The following CYP2C8 variants were observed in gnomAD, a reference collection of about 807,000 sequenced individuals.
The protein encoded by CYP2C8 is cytochrome P450 family 2 subfamily C member 8.
A neutral mutation model predicts 41.3 loss-of-function variants in CYP2C8; 51 were observed. The ratio of observed to expected loss-of-function variants is 1.24; its 90% CI spans 0.99 to 1.56. CYP2C8 has a LOEUF of 1.56. Ranked by LOEUF, CYP2C8 falls within the 40% of genes most tolerant of loss-of-function variation. The pLI, the probability that CYP2C8 is intolerant of heterozygous loss-of-function variation, is 0.00. For synonymous variants in CYP2C8, 218 were observed against 205.8 expected (o/e 1.06, Z -0.51); for missense variants, 651 against 579.9 (o/e 1.12, Z -1.26).
chr10:95,062,476 T>G (rs2134434624), intron 4 of CYP2C8, among the ~76,000 whole-genome samples: 1 of 152,326 alleles, frequency 6.6e-6, no homozygotes, highest in Middle Eastern at 3.4e-3. Flanking sequence ...TGCCTTTTTT[T>G]GTTTTCCATT....
At chr10:95,061,102 C>CT (rs2033418185) in intron 4 of CYP2C8, among the ~76,000 whole-genome samples, 1 of 152,088 alleles carries the variant, frequency 6.6e-6, no homozygotes, top group East Asian at 1.9e-4. Flanking sequence ...CTAAAATTCT[C>CT]GTTTTTTGTT....
At chr10:95,041,654 G>A (rs561909259) in intron 7 of CYP2C8, among the ~76,000 whole-genome samples, 12 of 151,784 alleles carry the variant, frequency 7.9e-5, no homozygotes, top group East Asian at 5.8e-4. Flanking sequence ...GGTGGCGGGC[G>A]CCTGTAGTCC....
intron 6 of CYP2C8, among the ~76,000 whole-genome samples, chr10:95,044,840 C>T (rs538733667): frequency 1.3e-5 from 2 of 152,166 alleles, no homozygotes; most frequent in African/African-American, 4.8e-5. Context: ...AAATACTGAA[C>T]CTTATGAGAA....
Position 95,069,476 on chromosome 10 carries a change from A to G in CYP2C8, c.-74T>C, listed in dbSNP as rs956008231. The G allele has an allele frequency of 1.5e-5, 18 of 1,200,322 alleles. No homozygotes were observed. Among genetic ancestry groups the G allele is most frequent in the Non-Finnish European group, 2.2e-5 (18 of 812,320 alleles). The allele number at this position is 1,200,322 out of a possible 1,614,324, so 74.4% of individuals were successfully genotyped here. A position where few individuals can be genotyped will look rare whatever the true frequency, so the allele number is the denominator to read the frequency against. ...TTTTTATAACACTCCCTGCTAATTTAGTGTGTGTCTCTTTGACATGTAAAG... is the reference window on the plus strand; with the variant it reads ...TTTTTATAACACTCCCTGCTAATTTGGTGTGTGTCTCTTTGACATGTAAAG... On this transcript the variant is annotated 5_prime_UTR_variant, in exon 1 of 9. Transcript: ENST00000371270.
rs569453841 is a variant in CYP2C8, at chr10:95,043,213, C to T, written c.962-136G>A. ...TGAGTTACATGTCCAGAAGTACAAC[C>T]AGCCATATAAAAAGAATTACCATAA... is the stretch of plus-strand genomic sequence containing the variant. On this transcript the variant is annotated intron_variant, in intron 6 of 8. Coordinates refer to ENST00000371270, the MANE Select transcript of CYP2C8 (RefSeq NM_000770.3). The T allele has an allele frequency of 6.4e-5, 48 of 748,048 alleles. No individual in the cohort carries two copies. In the African/African-American group the frequency reaches 7.5e-4, roughly 12 times the overall value. 46.3% of individuals were successfully genotyped at this position (748,048 alleles called of 1,614,324 possible).
chr10:95,064,104 C>T (rs979291657), intron 4 of CYP2C8, among the ~76,000 whole-genome samples: 3 of 152,180 alleles, frequency 2.0e-5, no homozygotes, highest in Non-Finnish European at 4.4e-5. Flanking sequence ...ACCGTCTGTC[C>T]ATTCTCAGAT....
rs920225063 is a variant in CYP2C8 at position 95,068,638 on chromosome 10, A to T, written c.168+597T>A. On this transcript the variant is annotated intron_variant, in intron 1 of 8. Coordinates refer to ENST00000371270, the MANE Select transcript of CYP2C8 (RefSeq NM_000770.3). ...AAATCATAGCAAAACACTGTGAAAC[A>T]AAGAGGAGAAACAGCACTTTAAACT... 5.4e-6 allele frequency: 7 copies of T among 1,287,700 alleles called. No homozygotes were observed. In the African/African-American group the frequency reaches 1.1e-4, roughly 20 times the overall value. The allele number at this position is 1,287,700 out of a possible 1,614,324, so 79.8% of individuals were successfully genotyped here.
At chr10:95,065,587 C>T (rs933673767) in intron 3 of CYP2C8, among the ~76,000 whole-genome samples, 4 of 152,132 alleles carry the variant, frequency 2.6e-5, no homozygotes, top group Non-Finnish European at 5.9e-5. Flanking sequence ...TAAAGCTAAC[C>T]AAAAAGTAAA....
In CYP2C8 at chr10:95,037,027, G is replaced by T. The variant is rs2032894515; in HGVS notation, c.*101C>A. On this transcript the variant is annotated 3_prime_UTR_variant, in exon 9 of 9. Transcript: ENST00000371270. ...TTATGGGATATTGAGTGAATGGGAA[G>T]ATTTGATGAGAGGTCAGAGAAGACA... 8.9e-7 allele frequency: 1 copy of T among 1,129,750 alleles called. No individual in the cohort carries two copies. The highest frequency in any genetic ancestry group is 2.4e-5 in the East Asian group (1 of 41,820). The allele number at this position is 1,129,750 out of a possible 1,614,324, so 70.0% of individuals were successfully genotyped here. A position where few individuals can be genotyped will look rare whatever the true frequency, so the allele number is the denominator to read the frequency against.
intron 4 of CYP2C8, among the ~76,000 whole-genome samples, chr10:95,062,751 T>G (rs1235297064): frequency 2.0e-5 from 3 of 152,154 alleles, no homozygotes; most frequent in East Asian, 1.9e-4. Context: ...GTCTTTACAA[T>G]CTGATGTTTT....
At chr10:95,059,211 A>G (rs930019692) in intron 4 of CYP2C8, among the ~76,000 whole-genome samples, 1 of 152,210 alleles carries the variant, frequency 6.6e-6, no homozygotes, top group African/African-American at 2.4e-5. Context: ...TCCCTGAGGA[A>G]TCACCACACT....
chr10:95,047,210 A>G (rs1486451418), intron 5 of CYP2C8, among the ~76,000 whole-genome samples: 1 of 152,218 alleles, frequency 6.6e-6, no homozygotes, highest in East Asian at 1.9e-4. Flanking sequence ...CCGTGAGCCA[A>G]TTGGGCCTCA....
chr10:95,051,543 A>G lies in CYP2C8; in HGVS notation c.820-5592T>C, dbSNP rs143818604. Reference sequence around the variant, plus strand: ...ACCAAGCAGATTAAACCCAATGAAGACTACTTCCAGGAATTTAATAATAAA... The same window carrying G: ...ACCAAGCAGATTAAACCCAATGAAGGCTACTTCCAGGAATTTAATAATAAA... On this transcript the variant is annotated intron_variant, in intron 5 of 8. Coordinates refer to ENST00000371270, the MANE Select transcript of CYP2C8 (RefSeq NM_000770.3). Among the ~76,000 whole-genome samples the G allele has an allele frequency of 5.9e-3, 894 of 152,176 alleles. 11 individuals are homozygous for G. Among genetic ancestry groups the G allele is most frequent in the African/African-American group, 0.02 (851 of 41,534 alleles).
chr10:95,064,770 T>C (rs755868622), intron 4 of CYP2C8, 30 bp downstream of exon 4: 2 of 1,608,928 alleles, frequency 1.2e-6, no homozygotes, highest in Non-Finnish European at 1.7e-6. Flanking sequence ...GAATAAATGG[T>C]TTCCAAGGAA....
chr10:95,055,793 T>C (rs1322841087), intron 5 of CYP2C8, among the ~76,000 whole-genome samples: 1 of 152,046 alleles, frequency 6.6e-6, no homozygotes, highest in African/African-American at 2.4e-5. Flanking sequence ...CAACCCAGTA[T>C]AGAAATAAGC....
chr10:95,043,860 A>G lies in CYP2C8; in HGVS notation c.962-783T>C, dbSNP rs531902163. ...TTTACATCATTCTAAATATACTCAC[A>G]GAAGCACACACACACACACACACAC... On this transcript the variant is annotated intron_variant, in intron 6 of 8. Transcript: ENST00000371270. Among the ~76,000 whole-genome samples, 14 of 109,474 alleles carry G rather than the reference A, an allele frequency of 1.3e-4. 1 individual carries two copies. In the South Asian group the frequency reaches 4.4e-3, roughly 34 times the overall value. 71.8% of individuals were successfully genotyped at this position (109,474 alleles called of 152,430 possible).
intron 5 of CYP2C8, among the ~76,000 whole-genome samples, chr10:95,046,362 A>G (rs2033109501): frequency 6.6e-6 from 1 of 152,226 alleles, no homozygotes; most frequent in African/African-American, 2.4e-5. Context: ...GCTTCTGGCA[A>G]TGGCCTTCAT....
intron 3 of CYP2C8, 125 bp downstream of exon 3, chr10:95,067,083 A>AC (rs2033584304): frequency 7.4e-7 from 1 of 1,343,992 alleles, no homozygotes; most frequent in East Asian, 2.3e-5. Flanking sequence ...ATCTCCCTCC[A>AC]CCACCTGAGG....
chr10:95,069,080 G>T (rs2033627261), intron 1 of CYP2C8, 155 bp downstream of exon 1: 2 of 885,044 alleles, frequency 2.3e-6, no homozygotes, highest in Non-Finnish European at 3.5e-6. Flanking sequence ...AAAAAAATAG[G>T]AAGACAAAAG....
Sources: allele counts gnomAD v4.1 joint callset (sites outside exome capture counted in the v4.1 genomes callset), GRCh38; gene constraint gnomAD v4.1.1; transcripts MANE v1.5; gene names NCBI Gene and HGNC (gene_info 2026-07-23, HGNC 2026-07-21).